Variants in GRB10 observed in about 807,000 individuals in gnomAD.
GRB10 encodes growth factor receptor bound protein 10.
Under a neutral mutation model 80.9 loss-of-function variants are expected in GRB10, and 20 were observed. That is an observed-to-expected ratio of 0.25 (90% confidence interval 0.17 to 0.36). The LOEUF is 0.36. GRB10 is among the 10% of genes least tolerant of loss of function. The probability of loss-of-function intolerance (pLI) is 1.00; values close to 1 mark genes in which losing one functional copy is unlikely to be tolerated. For synonymous variants in GRB10, 291 were observed against 291.5 expected (o/e 1.00, Z 0.02); for missense variants, 548 against 747.7 (o/e 0.73, Z 3.12).
At chr7:50,623,497 A>C (rs11769934) in intron 8 of GRB10, among the ~76,000 whole-genome samples, 54,171 of 152,108 alleles carry the variant, frequency 0.36, 10,548 homozygotes, top group Non-Finnish European at 0.44. Flanking sequence ...GCGGGCAGGA[A>C]AAACCACCCT....
At chr7:50,611,348 G>A (rs1563149763) in intron 13 of GRB10, among the ~76,000 whole-genome samples, 1 of 152,196 alleles carries the variant, frequency 6.6e-6, no homozygotes, top group East Asian at 1.9e-4. Context: ...TGCCCTCAAT[G>A]GATGTCACCT....
chr7:50,634,779 T>C (rs1172561250), intron 7 of GRB10, among the ~76,000 whole-genome samples: 3 of 152,148 alleles, frequency 2.0e-5, no homozygotes, highest in Non-Finnish European at 4.4e-5. Flanking sequence ...TAACAACAGT[T>C]TTAGAAAAAG....
At chr7:50,690,543 G>A (rs547809447) in intron 5 of GRB10, among the ~76,000 whole-genome samples, 245 of 152,274 alleles carry the variant, frequency 1.6e-3, no homozygotes, top group Non-Finnish European at 2.9e-3. Context: ...TTCCTTGGAC[G>A]GAAACGGTCC....
rs562958327 is a variant in GRB10, at chr7:50,644,995, T to G, written c.505-18017A>C. On this transcript the variant is annotated intron_variant, in intron 7 of 18. Transcript: ENST00000401949. ...ACTGCAAAAGGGCTATAATCCCCAG[T>G]ACCATCTCCAGTCTGGACGACGCAG... Among the ~76,000 whole-genome samples, 24 of 152,272 alleles carry G rather than the reference T, an allele frequency of 1.6e-4. 1 individual carries two copies. The South Asian group carries it at 4.4e-3, about 28-fold the overall frequency.
At chr7:50,652,629 GGGA>G (rs1159480304) in intron 7 of GRB10, among the ~76,000 whole-genome samples, 3 of 152,124 alleles carry the variant, frequency 2.0e-5, no homozygotes, top group Admixed American at 6.5e-5. Context: ...ATTCCAGAGT[GGGA>G]GGAGAAGGAT....
Position 50,703,911 on chromosome 7 carries a change from A to G in GRB10, c.52-3T>C. The G allele has an allele frequency of 1.2e-5, 19 of 1,607,040 alleles. No individual in the cohort carries two copies. Among genetic ancestry groups the G allele is most frequent in the Admixed American group, 1.7e-5 (1 of 59,886 alleles). On this transcript the variant is annotated splice_region_variant and splice_polypyrimidine_tract_variant and intron_variant, in intron 4 of 18. Transcript: ENST00000401949. ...CGAGGTGTCTGCTCCACCTTGTCCT[A>G]AAAAAACAGGACCGCAGCAGAAAGG...
At chr7:50,710,807 A>G in intron 4 of GRB10, 2 of 1,538,826 alleles carry the variant, frequency 1.3e-6, no homozygotes, top group Non-Finnish European at 1.8e-6. Flanking sequence ...TCAAATTAAA[A>G]TAACATAAAT....
At chr7:50,698,470 A>G (rs1010054263) in intron 5 of GRB10, among the ~76,000 whole-genome samples, 4 of 152,218 alleles carry the variant, frequency 2.6e-5, no homozygotes, top group African/African-American at 9.7e-5. Context: ...TTTCACTTTT[A>G]ATTATTTAAT....
intron 13 of GRB10, among the ~76,000 whole-genome samples, chr7:50,609,845 G>T (rs1585624485): frequency 6.6e-6 from 1 of 152,230 alleles, no homozygotes; most frequent in South Asian, 2.1e-4. Context: ...AAGATTATCT[G>T]CTGGCGCTAC....
At chr7:50,733,602 C>T (rs1297401885) in intron 3 of GRB10, among the ~76,000 whole-genome samples, 1 of 152,230 alleles carries the variant, frequency 6.6e-6, no homozygotes, top group Non-Finnish European at 1.5e-5. Context: ...GGAGCAGGTC[C>T]ATGACCTGGC....
At chr7:50,603,885 G>T in intron 17 of GRB10, 113 bp downstream of exon 17, 1 of 932,576 alleles carries the variant, frequency 1.1e-6, no homozygotes. Context: ...TCTTTAAAAT[G>T]AGGACAAAAC....
intron 4 of GRB10, among the ~76,000 whole-genome samples, chr7:50,714,912 C>CA (rs1432588220): frequency 6.6e-6 from 1 of 152,132 alleles, no homozygotes; most frequent in Non-Finnish European, 1.5e-5. Flanking sequence ...GCACATGACA[C>CA]ACCCACATTC....
At chr7:50,711,220 G>T (rs2065848336) in intron 4 of GRB10, among the ~76,000 whole-genome samples, 1 of 148,582 alleles carries the variant, frequency 6.7e-6, no homozygotes, top group Non-Finnish European at 1.5e-5. Context: ...GATGAGAACT[G>T]CTCCTGAGGG....
At chr7:50,624,595 C>A (rs910075304) in intron 8 of GRB10, among the ~76,000 whole-genome samples, 1 of 152,142 alleles carries the variant, frequency 6.6e-6, no homozygotes, top group South Asian at 2.1e-4. Context: ...CCTGTGTCAA[C>A]GGGAATGAGT....
intron 7 of GRB10, among the ~76,000 whole-genome samples, chr7:50,627,390 C>T (rs935395573): frequency 6.6e-6 from 1 of 152,200 alleles, no homozygotes; most frequent in African/African-American, 2.4e-5. Context: ...CTGTAAATCT[C>T]CCTCTTCCCA....
At chr7:50,792,921 C>T (rs1289365040) in intron 1 of GRB10, 2 of 147,982 alleles carry the variant, frequency 1.4e-5, no homozygotes, top group Non-Finnish European at 3.0e-5. Flanking sequence ...CACCTCCCCC[C>T]AGGGGTCGGG....
intron 5 of GRB10, among the ~76,000 whole-genome samples, chr7:50,677,838 C>T (rs755399465): frequency 1.3e-5 from 2 of 152,322 alleles, no homozygotes; most frequent in Non-Finnish European, 2.9e-5. Context: ...CACACACGTG[C>T]ACACGTGCGA....
intron 17 of GRB10, among the ~76,000 whole-genome samples, chr7:50,599,971 C>T (rs1048444226): frequency 5.9e-5 from 9 of 152,160 alleles, no homozygotes; most frequent in East Asian, 1.9e-4. Flanking sequence ...ATCTTCGCCT[C>T]GGGATGATGG....
intron 7 of GRB10, among the ~76,000 whole-genome samples, chr7:50,654,571 C>A (rs1222807863): frequency 2.0e-5 from 3 of 152,164 alleles, no homozygotes. Flanking sequence ...ATTTTTGATT[C>A]TAAGCAGGGG....
Sources: allele counts gnomAD v4.1 joint callset (sites outside exome capture counted in the v4.1 genomes callset), GRCh38; gene constraint gnomAD v4.1.1; transcripts MANE v1.5; gene names NCBI Gene and HGNC (gene_info 2026-07-23, HGNC 2026-07-21).